The following C5orf15 variants were observed in gnomAD, a reference collection of about 807,000 sequenced individuals.
C5orf15 encodes keratinocyte-associated transmembrane protein 2.
In C5orf15, 10 loss-of-function variants were observed where a neutral mutation model predicts 17.8. That is an observed-to-expected ratio of 0.56 (90% CI 0.35 to 0.95). The LOEUF (loss-of-function observed/expected upper bound fraction) is 0.95, where lower values mean the gene tolerates loss of function less well. Ranked by LOEUF, C5orf15 falls within the 40% of genes least tolerant of loss-of-function variation. C5orf15 has a pLI of 0.02. For synonymous variants in C5orf15, 124 were observed against 131.0 expected (o/e 0.95, Z 0.36); for missense variants, 319 against 331.7 (o/e 0.96, Z 0.30).
intron 1 of C5orf15, among the ~76,000 whole-genome samples, chr5:133,966,207 CA>C (rs374313051): frequency 3.4e-5 from 5 of 145,150 alleles, no homozygotes; most frequent in African/African-American, 1.3e-4. Flanking sequence ...GCGACAGACT[CA>C]AAAAAAAAAC....
chr5:133,968,600 G>A lies in C5orf15; in HGVS notation c.-16C>T, dbSNP rs527365580. On this transcript the variant is annotated 5_prime_UTR_variant, in exon 1 of 3. Coordinates refer to ENST00000231512, the MANE Select transcript of C5orf15 (RefSeq NM_020199.3). ...CAGCGGCCATAACGGACTCGGCTGGGAGCCTGCGCTGTTGCTAGGCTCTAC... is the reference window on the plus strand; with the variant it reads ...CAGCGGCCATAACGGACTCGGCTGGAAGCCTGCGCTGTTGCTAGGCTCTAC... The A allele has an allele frequency of 1.7e-5, 27 of 1,599,100 alleles. No individual in the cohort carries two copies. In the South Asian group the frequency reaches 2.9e-4, roughly 17 times the overall value.
chr5:133,959,671 G>A lies in C5orf15; in HGVS notation c.489C>T (p.Asp163=), dbSNP rs144155247. 3.8e-4 allele frequency: 621 copies of A among 1,613,298 alleles called. No homozygotes were observed. The highest frequency in any genetic ancestry group is 1.2e-3 in the South Asian group (112 of 90,872). ...TTTCTTCCAAGGTGTCATCAGACTC[G>A]TCGTCGTCCCTGGGGCCCGTGGTCC... The part of the protein sequence containing the change: ...YDWTTGPRDD[D]ESDDTLEENR... Residue 163 remains aspartate, a synonymous_variant, in exon 2 of 3, where the codon GAC becomes GAT. Transcript: ENST00000231512.
At chr5:133,965,057 T>C (rs900601903) in intron 1 of C5orf15, among the ~76,000 whole-genome samples, 1 of 152,218 alleles carries the variant, frequency 6.6e-6, no homozygotes, top group Non-Finnish European at 1.5e-5. Context: ...TCCTACATGA[T>C]CTGGCCCCCA....
At chr5:133,966,386 T>A (rs1459027816) in intron 1 of C5orf15, among the ~76,000 whole-genome samples, 1 of 151,912 alleles carries the variant, frequency 6.6e-6, no homozygotes, top group Non-Finnish European at 1.5e-5. Flanking sequence ...TGAAATGCAT[T>A]ATACATTAAG....
intron 2 of C5orf15, among the ~76,000 whole-genome samples, chr5:133,957,282 G>C (rs558036244): frequency 1.1e-4 from 16 of 150,820 alleles, no homozygotes; most frequent in African/African-American, 3.9e-4. Flanking sequence ...AGGATCACTC[G>C]AGCCCAGGAG....
At chr5:133,961,416 G>A (rs1752122246) in intron 1 of C5orf15, among the ~76,000 whole-genome samples, 1 of 151,492 alleles carries the variant, frequency 6.6e-6, no homozygotes, top group Admixed American at 6.6e-5. Flanking sequence ...CATGGTGGCA[G>A]GCACCTGTAG....
Position 133,968,594 on chromosome 5 carries a change from G to A in C5orf15, c.-10C>T, listed in dbSNP as rs751740085. The stretch of plus-strand genomic sequence containing the variant: ...GGACGGCAGCGGCCATAACGGACTC[G>A]GCTGGGAGCCTGCGCTGTTGCTAGG... On this transcript the variant is annotated 5_prime_UTR_variant, in exon 1 of 3. Transcript: ENST00000231512. 4.4e-6 allele frequency: 7 copies of A among 1,602,422 alleles called. No homozygotes were observed. Among genetic ancestry groups the A allele is most frequent in the Admixed American group, 3.4e-5 (2 of 58,476 alleles).
At chr5:133,961,618 C>A (rs570749015) in intron 1 of C5orf15, among the ~76,000 whole-genome samples, 7 of 148,424 alleles carry the variant, frequency 4.7e-5, no homozygotes, top group Non-Finnish European at 1.0e-4. Flanking sequence ...CAGGGTCTCA[C>A]TCTGTTGCCC....
chr5:133,959,724 C>T lies in C5orf15; in HGVS notation c.436G>A (p.Gly146Ser). Residue 146 changes from glycine to serine, a missense_variant, in exon 2 of 3, where the codon GGC (glycine) becomes AGC (serine). Gly to Ser is a moderately conservative substitution (Grantham distance 56). Around this residue, in one of 3 missense-constraint regions of C5orf15, gnomAD observed 175 missense variants for 192.4 expected, o/e 0.91. Coordinates refer to ENST00000231512, the MANE Select transcript of C5orf15 (RefSeq NM_020199.3). ...PSTAKDTLDNGDYGEPDYDWT... is the reference protein window; with the variant it reads ...PSTAKDTLDNSDYGEPDYDWT... ...TCATAGTCTGGTTCTCCATAATCGC[C>T]ATTGTCTAGAGTGTCTTTGGCTGTG... is the stretch of plus-strand genomic sequence containing the variant. The T allele has an allele frequency of 6.2e-7, 1 of 1,613,988 alleles. No individual in the cohort carries two copies. Among genetic ancestry groups the T allele is most frequent in the African/African-American group, 1.3e-5 (1 of 74,990 alleles).
In C5orf15 at chr5:133,955,947, T is replaced by C. The variant is rs1234075142; in HGVS notation, c.*912A>G. 6.6e-6 allele frequency: 1 copy of C among 152,242 alleles called. No individual in the cohort carries two copies. The highest frequency in any genetic ancestry group is 1.5e-5 in the Non-Finnish European group (1 of 68,032). 9.4% of individuals were successfully genotyped at this position (152,242 alleles called of 1,614,324 possible). A position where few individuals can be genotyped will look rare whatever the true frequency, so the allele number is the denominator to read the frequency against. On this transcript the variant is annotated 3_prime_UTR_variant, in exon 3 of 3. Transcript: ENST00000231512. ...GGTAATTGTACACAAATATCCTTTA[T>C]GTATACAAACAACTTCATTCAGGTA...
chr5:133,968,420 A>G, intron 1 of C5orf15, 26 bp downstream of exon 1: 1 of 1,598,790 alleles, frequency 6.3e-7, no homozygotes, highest in Non-Finnish European at 8.5e-7. Context: ...TAGCCTTCCT[A>G]AGCCCACACT....
In C5orf15 at chr5:133,956,736, AC is replaced by A. The variant is rs1299465338; in HGVS notation, c.*122del. 2.1e-6 allele frequency: 2 copies of A among 962,394 alleles called. No homozygotes were observed. Among genetic ancestry groups the A allele is most frequent in the African/African-American group, 3.5e-5 (2 of 57,952 alleles). The allele number at this position is 962,394 out of a possible 1,614,324, so 59.6% of individuals were successfully genotyped here. ...GTTTGTGACATTTAATTTCCAAAGCACCAAGGCAAAAGAGAGACTCACCTCT... is the reference window on the plus strand; with the variant it reads ...GTTTGTGACATTTAATTTCCAAAGCACAAGGCAAAAGAGAGACTCACCTCT... On this transcript the variant is annotated 3_prime_UTR_variant, in exon 3 of 3. Transcript: ENST00000231512.
intron 1 of C5orf15, 77 bp downstream of exon 1, chr5:133,968,369 C>T (rs1752226519): frequency 6.5e-7 from 1 of 1,539,558 alleles, no homozygotes; most frequent in Non-Finnish European, 8.8e-7. Flanking sequence ...AGCGCCCTTT[C>T]CCTGGCCCGG....
Position 133,963,775 on chromosome 5 carries a change from G to T in C5orf15, c.140-3755C>A, listed in dbSNP as rs535609773. Among the ~76,000 whole-genome samples the T allele has an allele frequency of 3.4e-5, 5 of 147,000 alleles. No individual in the cohort carries two copies. In the East Asian group the frequency reaches 9.7e-4, roughly 28 times the overall value. ...TTTATTTTTTTCTTTTTGAGACAGG[G>T]TCTCGCTTTGTCACTTAGGCTGGAG... On this transcript the variant is annotated intron_variant, in intron 1 of 2. Coordinates refer to ENST00000231512, the MANE Select transcript of C5orf15 (RefSeq NM_020199.3).
chr5:133,962,672 C>T (rs1447751501), intron 1 of C5orf15, among the ~76,000 whole-genome samples: 2 of 152,156 alleles, frequency 1.3e-5, no homozygotes, highest in African/African-American at 4.8e-5. Flanking sequence ...TTTACCTCAG[C>T]CACTCACTCC....
chr5:133,962,928 T>C (rs74815197), intron 1 of C5orf15, among the ~76,000 whole-genome samples: 9,539 of 152,220 alleles, frequency 0.063, 388 homozygotes, highest in South Asian at 0.13. Context: ...CTCTCTTACA[T>C]CCATCTTCAA....
rs763907370 is a variant in C5orf15 at position 133,959,673 on chromosome 5, C to T, written c.487G>A (p.Asp163Asn). ...TCTTCCAAGGTGTCATCAGACTCGT[C>T]GTCGTCCCTGGGGCCCGTGGTCCAG... ...YDWTTGPRDDDESDDTLEENR... is the reference protein window; with the variant it reads ...YDWTTGPRDDNESDDTLEENR... The change falls in exon 2 of 3, where the codon GAC (aspartate) becomes AAC (asparagine). Residue 163 changes from aspartate to asparagine, a missense_variant. Physicochemically the swap from Asp to Asn is conservative, Grantham distance 23. Around this residue, in one of 3 missense-constraint regions of C5orf15, gnomAD observed 175 missense variants for 192.4 expected, o/e 0.91. Coordinates refer to ENST00000231512, the MANE Select transcript of C5orf15 (RefSeq NM_020199.3). 6.2e-6 allele frequency: 10 copies of T among 1,613,554 alleles called. No individual in the cohort carries two copies. In the South Asian group the frequency reaches 6.6e-5, roughly 11 times the overall value.
At position 133,959,626 on chromosome 5, in the gene C5orf15, A is replaced by G; in HGVS notation, c.534T>C (p.Ile178=). The change falls in exon 2 of 3, where the codon ATT becomes ATC. Residue 178 remains isoleucine, a synonymous_variant. Coordinates refer to ENST00000231512, the MANE Select transcript of C5orf15 (RefSeq NM_020199.3). ...TCTTAAAAGATTTCACTGACTGTTC[A>G]ATTTCCATGTAACCCCTGTTTTCTT... is the stretch of plus-strand genomic sequence containing the variant. The part of the protein sequence containing the change: ...TLEENRGYME[I]EQSVKSFKMP... The G allele has an allele frequency of 6.2e-7, 1 of 1,613,474 alleles. No homozygotes were observed. Among genetic ancestry groups the G allele is most frequent in the South Asian group, 1.1e-5 (1 of 90,834 alleles).
intron 2 of C5orf15, among the ~76,000 whole-genome samples, chr5:133,957,449 A>T (rs938406344): frequency 6.6e-6 from 1 of 152,144 alleles, no homozygotes; most frequent in African/African-American, 2.4e-5. Flanking sequence ...ATATATAGGA[A>T]TGTTTGTTAA....
Sources: gnomAD v4.1 joint callset for allele counts (sites outside exome capture counted in the v4.1 genomes callset) on GRCh38, gnomAD v4.1.1 for gene constraint, gnomAD v4.1.1 regional missense constraint, MANE v1.5 for transcripts, NCBI Gene and HGNC (gene_info 2026-07-23, HGNC 2026-07-21) for gene names.